CTNNA2: variants seen among roughly 807,000 people sequenced by gnomAD.
CTNNA2 encodes catenin alpha-2.
In CTNNA2, 42 loss-of-function variants were observed where a neutral mutation model predicts 101.0. That is an observed-to-expected ratio of 0.42 (90% CI 0.32 to 0.54). The LOEUF (loss-of-function observed/expected upper bound fraction) is 0.54, where lower values mean the gene tolerates loss of function less well. Ranked by LOEUF, CTNNA2 falls within the 20% of genes least tolerant of loss-of-function variation. The probability of loss-of-function intolerance (pLI) is 0.14; values close to 1 mark genes in which losing one functional copy is unlikely to be tolerated. For synonymous variants in CTNNA2, 450 were observed against 456.4 expected, an observed-to-expected ratio of 0.99 and a Z score of 0.18; for missense variants, 871 against 1,223.1, an observed-to-expected ratio of 0.71 and a Z score of 4.29.
chr2:80,497,587 T>C (rs575658226), intron 9 of CTNNA2, among the ~76,000 whole-genome samples: 2 of 152,114 alleles, frequency 1.3e-5, no homozygotes, highest in Non-Finnish European at 2.9e-5. Context: ...TTCTGTCCCC[T>C]GTTCTACACA....
chr2:79,561,888 T>A (rs1304656187), intron 1 of CTNNA2, among the ~76,000 whole-genome samples: 3 of 151,876 alleles, frequency 2.0e-5, no homozygotes, highest in Admixed American at 6.6e-5. Flanking sequence ...TTTGAAAAAA[T>A]TTTCTTCCAT....
intron 7 of CTNNA2, among the ~76,000 whole-genome samples, chr2:80,355,096 T>A (rs1221886535): frequency 6.6e-6 from 1 of 152,184 alleles, no homozygotes; most frequent in Non-Finnish European, 1.5e-5. Flanking sequence ...TCTGTATTAG[T>A]CAGGGGCCAT....
At chr2:80,258,428 C>T (rs1036356862) in intron 7 of CTNNA2, among the ~76,000 whole-genome samples, 8 of 152,112 alleles carry the variant, frequency 5.3e-5, no homozygotes, top group East Asian at 3.9e-4. Flanking sequence ...TAGAAGACAG[C>T]GTCCTGGAAC....
At chr2:80,322,895 T>TTCCCATGC (rs1191302780) in intron 7 of CTNNA2, among the ~76,000 whole-genome samples, 1 of 152,244 alleles carries the variant, frequency 6.6e-6, no homozygotes, top group Non-Finnish European at 1.5e-5. Context: ...GAACGCCGCC[T>TTCCCATGC]TCCCATGCAG....
intron 7 of CTNNA2, among the ~76,000 whole-genome samples, chr2:80,115,954 C>A (rs1389504719): frequency 6.6e-6 from 1 of 152,142 alleles, no homozygotes; most frequent in Non-Finnish European, 1.5e-5. Context: ...AATAGGATAT[C>A]AATCAGCCCG....
At position 80,419,536 on chromosome 2, in the gene CTNNA2, G is replaced by A. The variant is rs1488542273; in HGVS notation, c.1225G>A (p.Gly409Arg). 2.5e-6 allele frequency: 4 copies of A among 1,613,832 alleles called. No individual in the cohort carries two copies. The highest frequency in any genetic ancestry group is 3.4e-6 in the Non-Finnish European group (4 of 1,179,832). Reference protein sequence around the residue: ...LLVLIEAAKSGNEKEVKEYAQ... With the variant: ...LLVLIEAAKSRNEKEVKEYAQ... ...AGTTCTCATTGAGGCTGCAAAGAGC[G>A]GAAATGAAAAGGAAGTGAAAGAATA... The change falls in exon 9 of 19, where the codon GGA becomes AGA. Residue 409 changes from glycine (G) to arginine (R), a missense_variant. Coordinates refer to ENST00000402739, the MANE Select transcript of CTNNA2 (RefSeq NM_001282597.3).
intron 7 of CTNNA2, among the ~76,000 whole-genome samples, chr2:80,241,686 A>G (rs995522128): frequency 6.6e-6 from 1 of 152,036 alleles, no homozygotes; most frequent in Non-Finnish European, 1.5e-5. Flanking sequence ...ATTCATCTGT[A>G]TAGGGCATTT....
intron 7 of CTNNA2, among the ~76,000 whole-genome samples, chr2:80,213,996 G>T (rs1245150532): frequency 1.3e-5 from 2 of 151,988 alleles, no homozygotes; most frequent in African/African-American, 4.8e-5. Flanking sequence ...TTTGATCTTT[G>T]TTGGTTTAAA....
intron 1 of CTNNA2, among the ~76,000 whole-genome samples, chr2:79,642,193 A>C (rs1680493111): frequency 6.6e-6 from 1 of 152,222 alleles, no homozygotes; most frequent in Non-Finnish European, 1.5e-5. Flanking sequence ...TATTACAATG[A>C]TATTTTTGTT....
chr2:79,248,774 G>T (rs1300964159), intron 2 of CTNNA2, among the ~76,000 whole-genome samples: 1 of 152,180 alleles, frequency 6.6e-6, no homozygotes, highest in Non-Finnish European at 1.5e-5. Context: ...ATGTAGCTTT[G>T]TACCAAGCAG....
intron 15 of CTNNA2, among the ~76,000 whole-genome samples, chr2:80,590,456 C>CAA (rs1553400932): frequency 1.3e-5 from 2 of 151,296 alleles, no homozygotes; most frequent in African/African-American, 4.9e-5. Context: ...GGAAAACACA[C>CAA]ATATGCAAAG....
At chr2:79,735,372 C>A (rs1420281225) in intron 2 of CTNNA2, among the ~76,000 whole-genome samples, 1 of 152,084 alleles carries the variant, frequency 6.6e-6, no homozygotes, top group Non-Finnish European at 1.5e-5. Flanking sequence ...GAAATGAGTT[C>A]AAATCACATC....
chr2:79,671,527 A>G (rs1012788867), intron 2 of CTNNA2, among the ~76,000 whole-genome samples: 5 of 152,244 alleles, frequency 3.3e-5, no homozygotes, highest in African/African-American at 1.2e-4. Flanking sequence ...AAAATTCAGA[A>G]GAAAGCAGGG....
chr2:79,464,303 G>A (rs1414996395), intron 4 of CTNNA2, among the ~76,000 whole-genome samples: 1 of 152,146 alleles, frequency 6.6e-6, no homozygotes, highest in Non-Finnish European at 1.5e-5. Context: ...TCCCCGCAAA[G>A]GACATGAACT....
rs141862878 is a variant in CTNNA2 at position 80,251,630 on chromosome 2, G to A, written c.1057-141581G>A. Among the ~76,000 whole-genome samples the A allele has an allele frequency of 3.2e-3, 484 of 152,212 alleles. 1 individual carries two copies. Among genetic ancestry groups the A allele is most frequent in the African/African-American group, 0.011 (466 of 41,550 alleles). On this transcript the variant is annotated intron_variant, in intron 7 of 18. Coordinates refer to ENST00000402739, the MANE Select transcript of CTNNA2 (RefSeq NM_001282597.3). ...TATAACTTCTCCTAAGTCTAGCCAC[G>A]ATCTGATCCATTTGGCTCTGGCTCT...
intron 8 of CTNNA2, among the ~76,000 whole-genome samples, chr2:80,400,910 TCA>T (rs1358607287): frequency 6.6e-6 from 1 of 152,174 alleles, no homozygotes; most frequent in Non-Finnish European, 1.5e-5. Context: ...CCCAACAGTA[TCA>T]TAAGCCAGTG....
intron 3 of CTNNA2, among the ~76,000 whole-genome samples, chr2:79,325,255 T>C (rs1319267849): frequency 2.0e-5 from 3 of 152,160 alleles, no homozygotes; most frequent in Admixed American, 2.0e-4. Context: ...AAGGCTCAGA[T>C]CTTATAGGCG....
In CTNNA2 at chr2:80,046,523, G is replaced by A. The variant is rs146365909; in HGVS notation, c.1056+136726G>A. The stretch of plus-strand genomic sequence containing the variant: ...ACATTAGAATTACTGATGGCTGAGA[G>A]CTGTGGTGTTCAAACTTTTTTTACA... On this transcript the variant is annotated intron_variant, in intron 7 of 18. Coordinates refer to ENST00000402739, the MANE Select transcript of CTNNA2 (RefSeq NM_001282597.3). Among the ~76,000 whole-genome samples, 1,168 of 151,216 alleles carry A rather than the reference G, an allele frequency of 7.7e-3. 7 individuals carry two copies. The highest frequency in any genetic ancestry group is 0.022 in the African/African-American group (896 of 40,774).
At chr2:79,662,286 C>T (rs184294317) in intron 2 of CTNNA2, among the ~76,000 whole-genome samples, 39 of 151,886 alleles carry the variant, frequency 2.6e-4, no homozygotes, top group African/African-American at 8.5e-4. Flanking sequence ...TTCTGTTTTG[C>T]GATAAAATCA....
Sources: allele counts gnomAD v4.1 joint callset (sites outside exome capture counted in the v4.1 genomes callset), GRCh38; gene constraint gnomAD v4.1.1; transcripts MANE v1.5; gene names NCBI Gene and HGNC (gene_info 2026-07-23, HGNC 2026-07-21).